The following INPP5A variants were observed in gnomAD, a reference collection of about 807,000 sequenced individuals.
INPP5A encodes 43 kDa inositol polyphosphate 5-phophatase.
Under a neutral mutation model 65.2 loss-of-function variants are expected in INPP5A, and 14 were observed. The observed-to-expected ratio is 0.21, with a 90% CI of 0.14 to 0.34. INPP5A has a LOEUF of 0.34. Among genes scored for constraint, INPP5A ranks in the 10% least tolerant of loss-of-function variants. INPP5A has a pLI of 1.00. For missense variants in INPP5A, 431 were observed against 545.6 expected (o/e 0.79, Z 2.09); for synonymous variants, 207 against 208.3 (o/e 0.99, Z 0.05).
At chr10:132,548,002 C>G (rs2071001020) in intron 1 of INPP5A, among the ~76,000 whole-genome samples, 1 of 152,042 alleles carries the variant, frequency 6.6e-6, no homozygotes, top group African/African-American at 2.4e-5. Context: ...CAGGTTCAAG[C>G]AGTTCTCCTG....
rs954973390 is a variant in INPP5A at position 132,762,483 on chromosome 10, T to C, written c.904-3290T>C. Among the ~76,000 whole-genome samples, 4 of 152,068 alleles carry C rather than the reference T, an allele frequency of 2.6e-5. No individual in the cohort carries two copies. The highest frequency in any genetic ancestry group is 2.6e-4 in the Admixed American group (4 of 15,270). On this transcript the variant is annotated intron_variant, in intron 11 of 15. Coordinates refer to ENST00000368594, the MANE Select transcript of INPP5A (RefSeq NM_005539.5). This position sits in a 1 kb window ranked among gnomAD's most constrained non-coding sequence, Gnocchi z 4.6. ...CTGGTGGAAAACCCCACCCACACAC[T>C]TAGAGTTCTCTCAGCAGCCAAGTCA...
chr10:132,649,450 G>A (rs956467790), intron 3 of INPP5A, among the ~76,000 whole-genome samples: 9 of 152,042 alleles, frequency 5.9e-5, no homozygotes, highest in Admixed American at 2.0e-4. Context: ...CAGACATTGC[G>A]AATGTTACGT....
intron 1 of INPP5A, among the ~76,000 whole-genome samples, chr10:132,586,421 A>C (rs2071545332): frequency 6.6e-6 from 1 of 152,094 alleles, no homozygotes. Flanking sequence ...CGACCTCGTC[A>C]CCCTTCCCCA....
intron 9 of INPP5A, among the ~76,000 whole-genome samples, chr10:132,744,650 C>CG (rs1456157820): frequency 6.6e-6 from 1 of 152,166 alleles, no homozygotes; most frequent in Non-Finnish European, 1.5e-5. Context: ...TTTCTAGATT[C>CG]GGGGGCAACG....
intron 2 of INPP5A, among the ~76,000 whole-genome samples, chr10:132,641,016 C>G (rs994553132): frequency 2.0e-5 from 3 of 152,346 alleles, no homozygotes; most frequent in African/African-American, 7.2e-5. Flanking sequence ...TCTGTTCACC[C>G]CTCTGTCTGT....
At chr10:132,767,653 T>C (rs1011231486) in intron 12 of INPP5A, among the ~76,000 whole-genome samples, 1 of 152,180 alleles carries the variant, frequency 6.6e-6, no homozygotes, top group Non-Finnish European at 1.5e-5. Flanking sequence ...GAAGTCTGAC[T>C]GCTAGACACA....
chr10:132,635,257 AT>A (rs1438915090), intron 2 of INPP5A, among the ~76,000 whole-genome samples: 3 of 151,650 alleles, frequency 2.0e-5, no homozygotes, highest in Non-Finnish European at 2.9e-5. Flanking sequence ...GGGGTCTGCC[AT>A]TTTTTATTTT....
chr10:132,668,098 T>C (rs952066791), intron 4 of INPP5A, among the ~76,000 whole-genome samples: 1 of 152,256 alleles, frequency 6.6e-6, no homozygotes, highest in East Asian at 1.9e-4. Context: ...AACAAAGTTA[T>C]TCAGTTTTTT....
At chr10:132,552,648 C>G (rs1328629490) in intron 1 of INPP5A, among the ~76,000 whole-genome samples, 1 of 145,120 alleles carries the variant, frequency 6.9e-6, no homozygotes, top group Admixed American at 6.8e-5. Context: ...AACACCTTCT[C>G]AGAGCCTTGG....
intron 1 of INPP5A, among the ~76,000 whole-genome samples, chr10:132,577,466 G>T (rs561159849): frequency 3.9e-5 from 6 of 152,356 alleles, no homozygotes; most frequent in Admixed American, 6.5e-5. Context: ...CCCGGCCCCG[G>T]GCCAGGGAAC....
At chr10:132,607,414 C>T (rs1170145553) in intron 1 of INPP5A, among the ~76,000 whole-genome samples, 8 of 152,248 alleles carry the variant, frequency 5.3e-5, no homozygotes, top group Non-Finnish European at 1.2e-4. Context: ...ATAAAAGCCC[C>T]TTGCTCTTCA....
intron 13 of INPP5A, 49 bp downstream of exon 13, chr10:132,777,831 G>C (rs1280788390): frequency 6.3e-7 from 1 of 1,594,834 alleles, no homozygotes; most frequent in Non-Finnish European, 8.5e-7. Context: ...GTGGAGCGCT[G>C]GGTCTGGTCT....
At chr10:132,737,442 T>C (rs534958958) in intron 9 of INPP5A, among the ~76,000 whole-genome samples, 1 of 145,226 alleles carries the variant, frequency 6.9e-6, no homozygotes, top group African/African-American at 2.9e-5. Flanking sequence ...AGCGCAGCCC[T>C]GTCCTCCTAC....
In INPP5A at chr10:132,572,465, G is replaced by T. The variant is rs967656101; in HGVS notation, c.75+34294G>T. 2.0e-5 allele frequency among the ~76,000 whole-genome samples: 3 copies of T among 152,162 alleles called. 1 individual carries two copies. Among genetic ancestry groups the T allele is most frequent in the Admixed American group, 1.3e-4 (2 of 15,274 alleles). ...CGTAGGGCTGTGCTGGTGCTGTCCT[G>T]GGGGAGGGGGATGCTGAGCACGCCC... On this transcript the variant is annotated intron_variant, in intron 1 of 15. Transcript: ENST00000368594.
intron 12 of INPP5A, among the ~76,000 whole-genome samples, chr10:132,766,155 T>C (rs920151454): frequency 2.6e-5 from 4 of 152,202 alleles, no homozygotes; most frequent in Non-Finnish European, 4.4e-5. Flanking sequence ...CATCTGTGTG[T>C]GCACGTGTGT....
intron 1 of INPP5A, among the ~76,000 whole-genome samples, chr10:132,566,446 G>T (rs547849125): frequency 6.6e-6 from 1 of 152,204 alleles, no homozygotes; most frequent in Non-Finnish European, 1.5e-5. Flanking sequence ...CAGCTGTGCA[G>T]TTGTCTTGCT....
At chr10:132,773,942 A>G (rs1418754392) in intron 12 of INPP5A, among the ~76,000 whole-genome samples, 1 of 152,100 alleles carries the variant, frequency 6.6e-6, no homozygotes, top group African/African-American at 2.4e-5. Context: ...TTTATTTTGT[A>G]TAGAGACAGG....
At position 132,650,441 on chromosome 10, in the gene INPP5A, T is replaced by G; in HGVS notation, c.242T>G (p.Met81Arg). 1 of 1,613,766 alleles carries G rather than the reference T, an allele frequency of 6.2e-7. No homozygotes were observed. Among genetic ancestry groups the G allele is most frequent in the South Asian group, 1.1e-5 (1 of 91,082 alleles). The change falls in exon 4 of 16, where the codon ATG becomes AGG. Residue 81 changes from methionine (M) to arginine (R), a missense_variant. Physicochemically the swap from Met to Arg is moderately conservative, Grantham distance 91 (BLOSUM62 -1). Coordinates refer to ENST00000368594, the MANE Select transcript of INPP5A (RefSeq NM_005539.5). This position sits in a 1 kb window ranked among gnomAD's most constrained non-coding sequence, Gnocchi z 5.5. The stretch of plus-strand genomic sequence containing the variant: ...AGAGAACTATTGTCGAGTGATGCGA[T>G]GAAAGAATATAACAGGGCTCGAGTC... ...FVKELLSSDA[M>R]KEYNRARVYL...
chr10:132,681,637 G>C (rs796796899), intron 4 of INPP5A, among the ~76,000 whole-genome samples: 35 of 152,274 alleles, frequency 2.3e-4, no homozygotes, highest in African/African-American at 8.2e-4. Flanking sequence ...CTTTGTGCAC[G>C]TGGGTAGAAA....
Sources: allele counts gnomAD v4.1 joint callset (sites outside exome capture counted in the v4.1 genomes callset), GRCh38; gene constraint gnomAD v4.1.1; non-coding constraint Gnocchi (gnomAD v3.1); transcripts MANE v1.5; gene names NCBI Gene and HGNC (gene_info 2026-07-23, HGNC 2026-07-21).